Variants in UBE2E2 observed in about 807,000 individuals in gnomAD.
UBE2E2 encodes the protein ubiquitin conjugating enzyme E2 E2.
UBE2E2 carries 6 observed loss-of-function variants against 24.7 expected under a neutral mutation model. That is an observed-to-expected ratio of 0.24 (90% CI 0.13 to 0.48). The LOEUF (loss-of-function observed/expected upper bound fraction) is 0.48, where lower values mean the gene tolerates loss of function less well. Ranked by LOEUF, UBE2E2 falls within the 20% of genes least tolerant of loss-of-function variation. UBE2E2 has a pLI of 0.99. For synonymous variants in UBE2E2, 104 were observed against 83.6 expected, an observed-to-expected ratio of 1.24 and a Z score of -1.33; for missense variants, 169 against 245.0, an observed-to-expected ratio of 0.69 and a Z score of 2.07.
intron 3 of UBE2E2, among the ~76,000 whole-genome samples, chr3:23,241,677 C>G (rs1036730313): frequency 6.6e-6 from 1 of 152,114 alleles, no homozygotes; most frequent in Non-Finnish European, 1.5e-5. Flanking sequence ...GGAGTTAACA[C>G]CTCCTAACAT....
chr3:23,355,109 C>T (rs993023432), intron 3 of UBE2E2, among the ~76,000 whole-genome samples: 5 of 151,814 alleles, frequency 3.3e-5, no homozygotes, highest in African/African-American at 1.2e-4. Flanking sequence ...AATCATCATT[C>T]TCAGTAAACT....
At chr3:23,328,660 C>CT (rs1281635426) in intron 3 of UBE2E2, among the ~76,000 whole-genome samples, 1 of 68,888 alleles carries the variant, frequency 1.5e-5, no homozygotes, top group Non-Finnish European at 2.7e-5. Context: ...ATCTCTCTCT[C>CT]TCTTTTTTTT....
chr3:23,399,706 T>C (rs1697172140), intron 3 of UBE2E2, among the ~76,000 whole-genome samples: 1 of 152,192 alleles, frequency 6.6e-6, no homozygotes, highest in South Asian at 2.1e-4. Context: ...TTTAAACATT[T>C]AGCATGTAAC....
At chr3:23,230,786 C>T (rs1206204215) in intron 3 of UBE2E2, among the ~76,000 whole-genome samples, 1 of 119,724 alleles carries the variant, frequency 8.4e-6, no homozygotes, top group Non-Finnish European at 1.7e-5. Flanking sequence ...AACTCCTTCT[C>T]AAAAAGAAAA....
At chr3:23,443,643 C>G (rs1052271144) in intron 3 of UBE2E2, among the ~76,000 whole-genome samples, 1 of 152,164 alleles carries the variant, frequency 6.6e-6, no homozygotes, top group Non-Finnish European at 1.5e-5. Flanking sequence ...GAACTGCCCC[C>G]CGAGGCATGA....
intron 3 of UBE2E2, among the ~76,000 whole-genome samples, chr3:23,249,994 A>G (rs1171628873): frequency 1.3e-5 from 2 of 152,198 alleles, no homozygotes; most frequent in African/African-American, 2.4e-5. Context: ...GAATGATTGC[A>G]GAGTAGGTGG....
At chr3:23,252,560 G>A (rs745548436) in intron 3 of UBE2E2, among the ~76,000 whole-genome samples, 2 of 152,102 alleles carry the variant, frequency 1.3e-5, no homozygotes, top group Non-Finnish European at 2.9e-5. Flanking sequence ...GCAGTAGCAC[G>A]ATCTCAGCTC....
intron 2 of UBE2E2, among the ~76,000 whole-genome samples, chr3:23,211,312 A>G (rs1437206199): frequency 1.3e-5 from 2 of 152,014 alleles, no homozygotes; most frequent in Non-Finnish European, 1.5e-5. Flanking sequence ...GTGTCATTTT[A>G]TGAGATAAAG....
chr3:23,419,789 A>C (rs533396686), intron 3 of UBE2E2, among the ~76,000 whole-genome samples: 1 of 152,260 alleles, frequency 6.6e-6, no homozygotes, highest in South Asian at 2.1e-4. Context: ...CTTTGGTTTC[A>C]ATGACATTTG....
intron 3 of UBE2E2, among the ~76,000 whole-genome samples, chr3:23,315,303 A>AT (rs71051213): frequency 4.1e-4 from 54 of 133,124 alleles, no homozygotes; most frequent in South Asian, 9.9e-4. Context: ...GGTGTGCTTC[A>AT]TTTTTTTTTT....
chr3:23,332,677 GTGT>G (rs1559350730), intron 3 of UBE2E2, among the ~76,000 whole-genome samples: 349 of 26,748 alleles, frequency 0.013, 1 homozygote, highest in African/African-American at 0.021. Context: ...CCAGTGGGGT[GTGT>G]GTGTGTGTGT....
At chr3:23,471,075 A>C (rs1167994567) in intron 3 of UBE2E2, among the ~76,000 whole-genome samples, 1 of 152,172 alleles carries the variant, frequency 6.6e-6, no homozygotes, top group African/African-American at 2.4e-5. Context: ...ACATATACAC[A>C]CAGACATGCA....
chr3:23,240,657 T>G (rs1429947332), intron 3 of UBE2E2, among the ~76,000 whole-genome samples: 1 of 152,246 alleles, frequency 6.6e-6, no homozygotes, highest in African/African-American at 2.4e-5. Flanking sequence ...GCATTTTCAC[T>G]TCTACGATTA....
chr3:23,537,597 G>C (rs1197298640), intron 5 of UBE2E2, among the ~76,000 whole-genome samples: 1 of 152,050 alleles, frequency 6.6e-6, no homozygotes, highest in Non-Finnish European at 1.5e-5. Context: ...GCTCCCAGTG[G>C]CTCTTTTATA....
rs116732520 is a variant in UBE2E2, at chr3:23,541,711, T to A, written c.508+9010T>A. On this transcript the variant is annotated intron_variant, in intron 5 of 5. Coordinates refer to ENST00000396703, the MANE Select transcript of UBE2E2 (RefSeq NM_152653.4). ...GGTTCTTCCCCACCACCGCCCCAATTCAGCACTGTCTTCCTTCTGAAAGCA... is the reference window on the plus strand; with the variant it reads ...GGTTCTTCCCCACCACCGCCCCAATACAGCACTGTCTTCCTTCTGAAAGCA... Among the ~76,000 whole-genome samples, 267 of 152,328 alleles carry A rather than the reference T, an allele frequency of 1.8e-3. 2 individuals are homozygous for A. The highest frequency in any genetic ancestry group is 6.0e-3 in the African/African-American group (251 of 41,582).
At chr3:23,219,206 A>C (rs1033358993) in intron 3 of UBE2E2, among the ~76,000 whole-genome samples, 10 of 152,200 alleles carry the variant, frequency 6.6e-5, no homozygotes, top group Non-Finnish European at 1.5e-4. Context: ...GGACTGGGTC[A>C]GGCAGAGAGA....
At chr3:23,514,163 G>C (rs992619645) in intron 4 of UBE2E2, among the ~76,000 whole-genome samples, 1 of 152,202 alleles carries the variant, frequency 6.6e-6, no homozygotes, top group African/African-American at 2.4e-5. Flanking sequence ...GTTTGATCCA[G>C]TTCTTCATGT....
chr3:23,261,407 G>A (rs2132146), intron 3 of UBE2E2, among the ~76,000 whole-genome samples: 126,644 of 152,150 alleles, frequency 0.83, 52,832 homozygotes, highest in African/African-American at 0.9. Flanking sequence ...GAAACTTACC[G>A]TAACCAAGTT....
intron 5 of UBE2E2, among the ~76,000 whole-genome samples, chr3:23,588,595 C>T (rs1232751383): frequency 2.6e-5 from 4 of 151,642 alleles, no homozygotes; most frequent in East Asian, 1.9e-4. Context: ...TTTAATTAAA[C>T]GTTGACCCAA....
Sources: allele counts gnomAD v4.1 joint callset (sites outside exome capture counted in the v4.1 genomes callset), GRCh38; gene constraint gnomAD v4.1.1; transcripts MANE v1.5; gene names NCBI Gene and HGNC (gene_info 2026-07-23, HGNC 2026-07-21).